Variants in SBF2 observed in about 807,000 individuals in gnomAD.
The protein encoded by SBF2 is myotubularin-related protein 13.
SBF2 carries 112 observed loss-of-function variants against 225.2 expected under a neutral mutation model. The ratio of observed to expected loss-of-function variants is 0.50; its 90% confidence interval spans 0.43 to 0.58. SBF2 has a LOEUF of 0.58. Ranked by LOEUF, SBF2 falls within the 20% of genes least tolerant of loss-of-function variation. The pLI is 0.00. For synonymous variants in SBF2, 763 were observed against 773.3 expected, an observed-to-expected ratio of 0.99 and a Z score of 0.22; for missense variants, 1,996 against 2,206.2, an observed-to-expected ratio of 0.90 and a Z score of 1.91.
chr11:10,142,189 A>T (rs1954680145), intron 2 of SBF2, among the ~76,000 whole-genome samples: 1 of 152,208 alleles, frequency 6.6e-6, no homozygotes, highest in South Asian at 2.1e-4. Context: ...GATAACCAGT[A>T]CTATAACCTG....
chr11:10,288,189 G>A (rs1963924705), intron 1 of SBF2, among the ~76,000 whole-genome samples: 1 of 152,188 alleles, frequency 6.6e-6, no homozygotes, highest in Non-Finnish European at 1.5e-5. Context: ...CTGCAACATG[G>A]TGAGCAAGGG....
At position 9,989,608 on chromosome 11, in the gene SBF2, A is replaced by G. The variant is rs777737213; in HGVS notation, c.1297-13T>C. ...CAAAGGCTACCAACTAGGAAAAAGAATCAAATGGCAAAACATCAATTCCAA... is the reference window on the plus strand; with the variant it reads ...CAAAGGCTACCAACTAGGAAAAAGAGTCAAATGGCAAAACATCAATTCCAA... On this transcript the variant is annotated splice_polypyrimidine_tract_variant and intron_variant, in intron 12 of 39. Coordinates refer to ENST00000256190, the MANE Select transcript of SBF2 (RefSeq NM_030962.4). 4 of 1,467,502 alleles carry G rather than the reference A, an allele frequency of 2.7e-6. No homozygotes were observed. In the Admixed American group the frequency reaches 5.1e-5, roughly 19 times the overall value. 90.9% of individuals were successfully genotyped at this position (1,467,502 alleles called of 1,614,324 possible). A position where few individuals can be genotyped will look rare whatever the true frequency, so the allele number is the denominator to read the frequency against.
intron 1 of SBF2, among the ~76,000 whole-genome samples, chr11:10,270,312 A>G (rs1344604707): frequency 6.6e-6 from 1 of 152,208 alleles, no homozygotes; most frequent in Non-Finnish European, 1.5e-5. Context: ...TACAGATAAC[A>G]TAAATGGTAG....
At chr11:10,196,837 AAT>A (rs71313475) in intron 1 of SBF2, among the ~76,000 whole-genome samples, 37 of 83,484 alleles carry the variant, frequency 4.4e-4, no homozygotes, top group East Asian at 1.4e-3. Context: ...TTCTTGCATA[AAT>A]ATATATATAT....
chr11:9,817,787 T>C (rs1409072361), intron 28 of SBF2, among the ~76,000 whole-genome samples: 2 of 149,660 alleles, frequency 1.3e-5, no homozygotes, highest in African/African-American at 4.9e-5. Flanking sequence ...GACACCTGTA[T>C]TGGGAGGCTG....
chr11:10,240,643 C>CA (rs1331102493), intron 1 of SBF2, among the ~76,000 whole-genome samples: 1 of 152,058 alleles, frequency 6.6e-6, no homozygotes, highest in Admixed American at 6.6e-5. Context: ...CCTATACCTA[C>CA]AAAAACAGAA....
intron 32 of SBF2, among the ~76,000 whole-genome samples, chr11:9,801,045 T>C (rs1853464073): frequency 6.6e-6 from 1 of 152,248 alleles, no homozygotes; most frequent in Non-Finnish European, 1.5e-5. Context: ...GCAAGTGTGC[T>C]TCAAATAAAT....
intron 2 of SBF2, among the ~76,000 whole-genome samples, chr11:10,167,837 G>A (rs1197411885): frequency 6.6e-6 from 1 of 152,156 alleles, no homozygotes; most frequent in East Asian, 1.9e-4. Context: ...GACCAACATG[G>A]TGAAACCCCA....
chr11:10,199,540 T>C (rs1565347811), intron 1 of SBF2, among the ~76,000 whole-genome samples: 2 of 152,186 alleles, frequency 1.3e-5, no homozygotes, highest in East Asian at 3.9e-4. Context: ...CCATAATATC[T>C]GTAAGGCACA....
intron 9 of SBF2, 59 bp downstream of exon 9, chr11:9,998,207 G>A: frequency 1.0e-6 from 1 of 975,346 alleles, no homozygotes; most frequent in Non-Finnish European, 1.6e-6. Flanking sequence ...TTTAATTTTA[G>A]CTATCTTAGC....
At chr11:9,984,325 A>C (rs61877012) in intron 13 of SBF2, among the ~76,000 whole-genome samples, 27,320 of 152,070 alleles carry the variant, frequency 0.18, 2,567 homozygotes, top group East Asian at 0.27. Context: ...AGTAGAAGAA[A>C]GAAACTCAGA....
Position 9,853,688 on chromosome 11 carries a change from G to A in SBF2, c.2388C>T (p.Ser796=). Residue 796 remains serine (S), a synonymous_variant, in exon 20 of 40, where the codon AGC becomes AGT. Coordinates refer to ENST00000256190, the MANE Select transcript of SBF2 (RefSeq NM_030962.4). ...CTTCAAACCCACTCTCTGTATCATAGCTCTCAGCTACACTTCCTGCAATAC... is the reference window on the plus strand; with the variant it reads ...CTTCAAACCCACTCTCTGTATCATAACTCTCAGCTACACTTCCTGCAATAC... ...TNSIAGSVAE[S]YDTESGFEDS... 6.2e-7 allele frequency: 1 copy of A among 1,613,966 alleles called. No homozygotes were observed. Among genetic ancestry groups the A allele is most frequent in the Non-Finnish European group, 8.5e-7 (1 of 1,179,904 alleles).
intron 1 of SBF2, among the ~76,000 whole-genome samples, chr11:10,222,102 C>G (rs371982025): frequency 2.0e-5 from 3 of 152,200 alleles, no homozygotes; most frequent in Non-Finnish European, 4.4e-5. Flanking sequence ...CTAAGAACTA[C>G]TGCTCAAGAG....
intron 3 of SBF2, 50 bp from the exon 4 acceptor site, chr11:10,031,220 C>T (rs1000059443): frequency 6.3e-7 from 1 of 1,581,760 alleles, no homozygotes; most frequent in Non-Finnish European, 8.7e-7. Context: ...TTCCTAGGTT[C>T]ATAATTCACA....
At chr11:10,180,835 A>T (rs1047200203) in intron 2 of SBF2, among the ~76,000 whole-genome samples, 1 of 152,044 alleles carries the variant, frequency 6.6e-6, no homozygotes, top group Non-Finnish European at 1.5e-5. Context: ...CTGTTAAGAG[A>T]CTCTGATGCA....
At chr11:10,182,862 G>A (rs12291198) in intron 2 of SBF2, among the ~76,000 whole-genome samples, 14,397 of 151,656 alleles carry the variant, frequency 0.095, 928 homozygotes, top group East Asian at 0.28. Context: ...CAACCTCCGT[G>A]TCCTGGGTTC....
At chr11:10,174,930 G>A (rs1956386002) in intron 2 of SBF2, among the ~76,000 whole-genome samples, 1 of 150,886 alleles carries the variant, frequency 6.6e-6, no homozygotes, top group African/African-American at 2.4e-5. Context: ...AAGTGAAGGA[G>A]AAATAAAATA....
intron 1 of SBF2, among the ~76,000 whole-genome samples, chr11:10,233,751 C>T (rs918256007): frequency 7.9e-5 from 12 of 152,148 alleles, no homozygotes; most frequent in Non-Finnish European, 1.5e-4. Flanking sequence ...ATCAGCATTC[C>T]GGTTAAAACT....
intron 1 of SBF2, among the ~76,000 whole-genome samples, chr11:10,269,137 T>C (rs1315404855): frequency 6.6e-6 from 1 of 152,226 alleles, no homozygotes; most frequent in African/African-American, 2.4e-5. Context: ...AATGTTCTTT[T>C]GGCTTTCAGA....
Sources: allele counts gnomAD v4.1 joint callset (sites outside exome capture counted in the v4.1 genomes callset), GRCh38; gene constraint gnomAD v4.1.1; transcripts MANE v1.5; gene names NCBI Gene and HGNC (gene_info 2026-07-23, HGNC 2026-07-21).